The following PAGE2B variants were observed in gnomAD, a reference collection of about 807,000 sequenced individuals.
PAGE2B encodes putative G antigen family E member 3.
PAGE2B carries 5 observed loss-of-function variants against 7.6 expected under a neutral mutation model. The observed-to-expected ratio is 0.66, with a 90% CI of 0.34 to 1.38. PAGE2B has a LOEUF of 1.38. PAGE2B is among the 40% of genes most tolerant of loss of function. The pLI, the probability that PAGE2B is intolerant of heterozygous loss-of-function variation, is 0.04. For missense variants in PAGE2B, 70 were observed against 78.4 expected (o/e 0.89, Z 0.41); for synonymous variants, 29 against 26.7 (o/e 1.09, Z -0.27).
chrX:55,050,751 G>A, the PAGE2B span, among the ~76,000 whole-genome samples: 5 of 111,501 alleles, frequency 4.5e-5, no homozygotes, highest in Admixed American at 2.9e-4. Flanking sequence ...ACAGGTCTTG[G>A]CTCTTTATCC....
At chrX:55,037,020 G>A in the PAGE2B span, among the ~76,000 whole-genome samples, 1 of 111,250 alleles carries the variant, frequency 9.0e-6, no homozygotes, top group Admixed American at 9.5e-5. Context: ...AACACCAAAA[G>A]CAATGGCAAC....
rs766282431 is a variant in PAGE2B, at chrX:55,076,308, TTC to T, written c.84+201_84+202del. ...GTGTTACCTGTATGGATATGGATAT[TTC>T]TCTCTCTCTCTCTCTCTATATATAT... On this transcript the variant is annotated intron_variant, in intron 2 of 4. Coordinates refer to ENST00000374971, the MANE Select transcript of PAGE2B (RefSeq NM_001015038.3). 5.9e-3 allele frequency among the ~76,000 whole-genome samples: 626 copies of T among 106,819 alleles called. 4 individuals carry two copies. Among genetic ancestry groups the T allele is most frequent in the African/African-American group, 0.02 (591 of 29,089 alleles). 92.8% of individuals were successfully genotyped at this position (106,819 alleles called of 115,157 possible).
the PAGE2B span, among the ~76,000 whole-genome samples, chrX:55,056,622 A>G: frequency 9.0e-6 from 1 of 110,684 alleles, no homozygotes; most frequent in South Asian, 3.9e-4. Flanking sequence ...AAGTAAGAAC[A>G]CAATACTGGA....
the PAGE2B span, among the ~76,000 whole-genome samples, chrX:55,056,636 A>C: frequency 1.8e-5 from 2 of 110,687 alleles, no homozygotes; most frequent in African/African-American, 6.6e-5. Context: ...TACTGGACTG[A>C]AGAAGATGGG....
chrX:55,043,694 G>T, the PAGE2B span, among the ~76,000 whole-genome samples: 1 of 111,230 alleles, frequency 9.0e-6, no homozygotes, highest in Non-Finnish European at 1.9e-5. Flanking sequence ...AGGGCCGGGC[G>T]CAGTGGCTCT....
the PAGE2B span, among the ~76,000 whole-genome samples, chrX:55,049,292 C>T: frequency 9.0e-6 from 1 of 111,528 alleles, no homozygotes; most frequent in African/African-American, 3.2e-5. Flanking sequence ...CTCTGCCAGG[C>T]TTTGGTATCA....
At chrX:55,066,402 C>G in the PAGE2B span, among the ~76,000 whole-genome samples, 12 of 112,237 alleles carry the variant, frequency 1.1e-4, no homozygotes, top group Non-Finnish European at 1.1e-4. Flanking sequence ...CAGATGATTT[C>G]TTATTGCTGA....
the PAGE2B span, among the ~76,000 whole-genome samples, chrX:55,048,488 T>C: frequency 9.0e-6 from 1 of 111,705 alleles, no homozygotes; most frequent in African/African-American, 3.3e-5. Flanking sequence ...CATTGAGCAG[T>C]GGTTTGTAGT....
the PAGE2B span, among the ~76,000 whole-genome samples, chrX:55,061,292 A>G: frequency 9.0e-6 from 1 of 110,986 alleles, no homozygotes; most frequent in Non-Finnish European, 1.9e-5. Context: ...GGTTTGTTAC[A>G]TGGGTAAGTT....
chrX:55,064,845 C>T, the PAGE2B span, among the ~76,000 whole-genome samples: 1 of 111,564 alleles, frequency 9.0e-6, no homozygotes, highest in South Asian at 3.7e-4. Flanking sequence ...TTTCCATGTA[C>T]TTCTATAGTT....
chrX:55,076,308 TTCTC>T (rs766282431), intron 2 of PAGE2B, among the ~76,000 whole-genome samples, 183 bp downstream of exon 2: 4 of 106,875 alleles, frequency 3.7e-5, no homozygotes, highest in Non-Finnish European at 5.8e-5. Flanking sequence ...ATATGGATAT[TTCTC>T]TCTCTCTCTC....
At chrX:55,051,503 C>T in the PAGE2B span, among the ~76,000 whole-genome samples, 3 of 111,670 alleles carry the variant, frequency 2.7e-5, no homozygotes, top group East Asian at 2.8e-4. Flanking sequence ...AGGCTTTGTT[C>T]ATTTCTTTTT....
the PAGE2B span, among the ~76,000 whole-genome samples, chrX:55,040,052 T>G: frequency 1.8e-5 from 2 of 111,277 alleles, no homozygotes; most frequent in African/African-American, 6.5e-5. Context: ...TTTCTTTTTT[T>G]TTTTTTGAAG....
At chrX:55,065,183 C>T in the PAGE2B span, among the ~76,000 whole-genome samples, 1 of 111,473 alleles carries the variant, frequency 9.0e-6, no homozygotes, top group African/African-American at 3.3e-5. Context: ...TGTGGTCTAT[C>T]TCTTTCTTTA....
the PAGE2B span, among the ~76,000 whole-genome samples, chrX:55,067,743 A>C: frequency 8.9e-6 from 1 of 111,999 alleles, no homozygotes; most frequent in African/African-American, 3.2e-5. Context: ...AATGATCACC[A>C]TGCTAACTGG....
chrX:55,073,564 C>A (rs1164685091), upstream of PAGE2B, among the ~76,000 whole-genome samples: 1 of 112,000 alleles, frequency 8.9e-6, no homozygotes, highest in East Asian at 2.8e-4. Context: ...CTTCTAATTC[C>A]GTGAAGAATG....
chrX:55,074,487 A>G (rs1433178560), upstream of PAGE2B, among the ~76,000 whole-genome samples: 2 of 112,365 alleles, frequency 1.8e-5, no homozygotes, highest in East Asian at 5.6e-4. Flanking sequence ...TGATGATAAA[A>G]GAGCCATTTC....
the PAGE2B span, chrX:55,030,967 G>A: frequency 2.9e-6 from 1 of 340,364 alleles, no homozygotes; most frequent in Non-Finnish European, 5.9e-6. Flanking sequence ...GAGGACGAAC[G>A]AATGACAGGT....
At chrX:55,068,513 C>T in the PAGE2B span, among the ~76,000 whole-genome samples, 2 of 111,870 alleles carry the variant, frequency 1.8e-5, no homozygotes, top group Admixed American at 1.9e-4. Flanking sequence ...ATTGTCTTGG[C>T]TATGAGGGCT....
Sources: allele counts gnomAD v4.1 joint callset (sites outside exome capture counted in the v4.1 genomes callset), GRCh38; gene constraint gnomAD v4.1.1; transcripts MANE v1.5; gene names NCBI Gene and HGNC (gene_info 2026-07-23, HGNC 2026-07-21).